UFL1: variants seen among roughly 807,000 people sequenced by gnomAD.
UFL1 encodes the protein E3 UFM1-protein ligase 1.
In UFL1, 78 loss-of-function variants were observed where a neutral mutation model predicts 99.3. The observed-to-expected ratio is 0.79, with a 90% CI of 0.65 to 0.95. The LOEUF (loss-of-function observed/expected upper bound fraction) is 0.95, where lower values mean the gene tolerates loss of function less well. Among genes scored for constraint, UFL1 ranks in the 40% least tolerant of loss-of-function variants. UFL1 has a pLI of 0.00. For missense variants in UFL1, 936 were observed against 937.0 expected (o/e 1.00, Z 0.01); for synonymous variants, 335 against 322.2 (o/e 1.04, Z -0.42).
chr6:96,551,547 G>C (rs1770080290), intron 16 of UFL1, 34 bp downstream of exon 16: 2 of 1,339,564 alleles, frequency 1.5e-6, no homozygotes, highest in African/African-American at 3.1e-5. Flanking sequence ...ACATGTCAGG[G>C]CTAGCAGTTT....
intron 9 of UFL1, among the ~76,000 whole-genome samples, chr6:96,538,113 CTG>C (rs1461529294): frequency 6.6e-6 from 1 of 151,736 alleles, no homozygotes; most frequent in Non-Finnish European, 1.5e-5. Context: ...CCAGATTTAA[CTG>C]TTTTTTTATT....
chr6:96,540,226 T>A (rs1769911780), intron 10 of UFL1, among the ~76,000 whole-genome samples: 1 of 151,504 alleles, frequency 6.6e-6, no homozygotes, highest in African/African-American at 2.4e-5. Flanking sequence ...TCAATTAAGC[T>A]GTGGTAAAAC....
chr6:96,539,397 A>G (rs1769900306), intron 10 of UFL1, among the ~76,000 whole-genome samples: 1 of 151,738 alleles, frequency 6.6e-6, no homozygotes, highest in Admixed American at 6.6e-5. Context: ...AATAGGTAAA[A>G]TAGGCCCATT....
Position 96,521,822 on chromosome 6 carries a change from T to G in UFL1, c.-52T>G, listed in dbSNP as rs971165416. On this transcript the variant is annotated 5_prime_UTR_variant, in exon 1 of 19. Coordinates refer to ENST00000369278, the MANE Select transcript of UFL1 (RefSeq NM_015323.5). ...GTTCCGCCTCTCTTCTCCCACCGCC[T>G]GTCGGCTGACGTGTCTGCAGTTCCT... The G allele has an allele frequency of 6.4e-7, 1 of 1,570,692 alleles. No homozygotes were observed. Among genetic ancestry groups the G allele is most frequent in the Admixed American group, 1.8e-5 (1 of 54,870 alleles).
chr6:96,547,662 C>T (rs1265063594), intron 12 of UFL1, among the ~76,000 whole-genome samples: 4 of 151,568 alleles, frequency 2.6e-5, no homozygotes, highest in African/African-American at 9.7e-5. Context: ...ATGTCCTTTG[C>T]AGCAACGTGG....
At chr6:96,523,449 G>C (rs1434737903) in intron 2 of UFL1, among the ~76,000 whole-genome samples, 158 bp downstream of exon 2, 1 of 151,954 alleles carries the variant, frequency 6.6e-6, no homozygotes, top group African/African-American at 2.4e-5. Context: ...TTTTTACTGG[G>C]TTCATGCAAA....
At chr6:96,536,183 T>A (rs1769849763) in intron 7 of UFL1, 61 bp from the exon 8 acceptor site, 8 of 1,448,398 alleles carry the variant, frequency 5.5e-6, no homozygotes, top group Admixed American at 1.9e-5. Flanking sequence ...AATAAAGTAT[T>A]TTACTTTTTA....
intron 12 of UFL1, 35 bp from the exon 13 acceptor site, chr6:96,548,129 A>T: frequency 2.2e-6 from 3 of 1,375,418 alleles, no homozygotes; most frequent in Non-Finnish European, 3.0e-6. Flanking sequence ...TTTTTTATTT[A>T]TTTATTTATT....
At chr6:96,544,537 G>A (rs552288170) in intron 12 of UFL1, among the ~76,000 whole-genome samples, 38 of 151,040 alleles carry the variant, frequency 2.5e-4, no homozygotes, top group African/African-American at 9.2e-4. Context: ...TGTTCTACTT[G>A]CTATTTGTAA....
At position 96,538,830 on chromosome 6, in the gene UFL1, A is replaced by G. The variant is rs1356529675; in HGVS notation, c.1158+20A>G. ...GAAAAGGTATTCCAGATTTCCTTTT[A>G]TCTGCTAATCTTAATAATATTTTCA... On this transcript the variant is annotated intron_variant, in intron 10 of 18. Coordinates refer to ENST00000369278, the MANE Select transcript of UFL1 (RefSeq NM_015323.5). The G allele has an allele frequency of 1.9e-6, 3 of 1,559,572 alleles. No homozygotes were observed. Among genetic ancestry groups the G allele is most frequent in the South Asian group, 2.4e-5 (2 of 83,070 alleles).
chr6:96,540,449 GAAT>G, intron 10 of UFL1, 83 bp from the exon 11 acceptor site: 3 of 1,458,362 alleles, frequency 2.1e-6, no homozygotes, highest in Non-Finnish European at 2.7e-6. Context: ...AACCAAACAA[GAAT>G]AATTAGTGAG....
At chr6:96,524,337 G>A (rs546886040) in intron 2 of UFL1, 45 bp from the exon 3 acceptor site, 134 of 1,553,504 alleles carry the variant, frequency 8.6e-5, no homozygotes, top group Non-Finnish European at 1.1e-4. Flanking sequence ...GGGTTGGTAT[G>A]TACGCATAGA....
chr6:96,543,554 T>A (rs988946035), intron 12 of UFL1, among the ~76,000 whole-genome samples: 1 of 151,198 alleles, frequency 6.6e-6, no homozygotes, highest in African/African-American at 2.4e-5. Context: ...AATGGAGTTA[T>A]AGAGGGAATG....
chr6:96,552,344 A>T, intron 17 of UFL1, 138 bp from the exon 18 acceptor site: 2 of 884,032 alleles, frequency 2.3e-6, no homozygotes, highest in Non-Finnish European at 3.3e-6. Flanking sequence ...TGTATATCCC[A>T]TATTGAAAAG....
Position 96,526,391 on chromosome 6 carries a change from G to A in UFL1, c.421G>A (p.Glu141Lys). Residue 141 changes from glutamate (E) to lysine (K), a missense_variant, in exon 5 of 19, where the codon GAA becomes AAA. Transcript: ENST00000369278. The stretch of plus-strand genomic sequence containing the variant: ...AGAAAGTGGTCAGGTCACCATATCA[G>A]AACTGTGTAAAACTTATGATCTTCC... ...LQESGQVTIS[E>K]LCKTYDLPGN... 1 of 1,613,480 alleles carries A rather than the reference G, an allele frequency of 6.2e-7. No homozygotes were observed. Among genetic ancestry groups the A allele is most frequent in the East Asian group, 2.2e-5 (1 of 44,770 alleles).
chr6:96,543,490 G>A (rs767519955), intron 12 of UFL1, among the ~76,000 whole-genome samples: 8 of 151,276 alleles, frequency 5.3e-5, no homozygotes, highest in Middle Eastern at 3.4e-3. Flanking sequence ...AGATAAAAGC[G>A]TAGCAAAGAA....
Position 96,524,421 on chromosome 6 carries a change from A to G in UFL1, c.252+11A>G. ...GTTGATCTACAACAGGTAGGTTTTA[A>G]ATTTATAAAATTTTTGCTTTACTTT... On this transcript the variant is annotated intron_variant, in intron 3 of 18. Coordinates refer to ENST00000369278, the MANE Select transcript of UFL1 (RefSeq NM_015323.5). 1 of 1,567,926 alleles carries G rather than the reference A, an allele frequency of 6.4e-7. No homozygotes were observed. The highest frequency in any genetic ancestry group is 8.6e-7 in the Non-Finnish European group (1 of 1,163,234).
intron 6 of UFL1, among the ~76,000 whole-genome samples, chr6:96,531,814 C>T (rs1040276080): frequency 1.3e-5 from 2 of 152,012 alleles, no homozygotes; most frequent in South Asian, 4.1e-4. Flanking sequence ...TCCTGAGTTT[C>T]GCTATATGGA....
chr6:96,532,934 A>G (rs562878377), intron 6 of UFL1, among the ~76,000 whole-genome samples: 23 of 152,344 alleles, frequency 1.5e-4, no homozygotes, highest in African/African-American at 4.3e-4. Context: ...GGTAAAAATA[A>G]TAATTTACTC....
Sources: allele counts gnomAD v4.1 joint callset (sites outside exome capture counted in the v4.1 genomes callset), GRCh38; gene constraint gnomAD v4.1.1; transcripts MANE v1.5; gene names NCBI Gene and HGNC (gene_info 2026-07-23, HGNC 2026-07-21).